The following SLC24A3 variants were observed in gnomAD, a reference collection of about 807,000 sequenced individuals.
The protein encoded by SLC24A3 is solute carrier family 24 member 3.
Under a neutral mutation model 75.8 loss-of-function variants are expected in SLC24A3, and 28 were observed. The ratio of observed to expected loss-of-function variants is 0.37; its 90% CI spans 0.27 to 0.51. SLC24A3 has a LOEUF of 0.51. SLC24A3 is among the 20% of genes least tolerant of loss of function. The probability of loss-of-function intolerance (pLI) is 0.94; values close to 1 mark genes in which losing one functional copy is unlikely to be tolerated. For missense variants in SLC24A3, 663 were observed against 847.8 expected, an observed-to-expected ratio of 0.78 and a Z score of 2.71; for synonymous variants, 372 against 334.1, an observed-to-expected ratio of 1.11 and a Z score of -1.24.
At chr20:19,247,151 A>G (rs1240370063) in intron 1 of SLC24A3, among the ~76,000 whole-genome samples, 2 of 152,216 alleles carry the variant, frequency 1.3e-5, no homozygotes, top group African/African-American at 4.8e-5. Context: ...CCATATGTAC[A>G]CGTCAGTCAT....
At chr20:19,600,098 C>T (rs180754745) in intron 6 of SLC24A3, among the ~76,000 whole-genome samples, 1 of 152,170 alleles carries the variant, frequency 6.6e-6, no homozygotes, top group Non-Finnish European at 1.5e-5. Context: ...CCTCAGTGCT[C>T]TTGGTACAGA....
chr20:19,219,246 C>T (rs1030219465), intron 1 of SLC24A3, among the ~76,000 whole-genome samples: 2 of 152,104 alleles, frequency 1.3e-5, no homozygotes, highest in African/African-American at 4.8e-5. Context: ...CCCGGACGGC[C>T]CACACTATCC....
At chr20:19,681,819 A>C (rs1201754630) in intron 9 of SLC24A3, 39 bp from the exon 10 acceptor site, 2 of 1,613,166 alleles carry the variant, frequency 1.2e-6, no homozygotes, top group South Asian at 2.2e-5. Flanking sequence ...GGAGAATGGA[A>C]AACACTGATG....
chr20:19,388,997 A>T (rs1276065250), intron 2 of SLC24A3, among the ~76,000 whole-genome samples: 2 of 150,974 alleles, frequency 1.3e-5, no homozygotes, highest in Non-Finnish European at 3.0e-5. Flanking sequence ...TTTTCTCTTT[A>T]TCTTTTGTGA....
chr20:19,660,702 A>G, intron 7 of SLC24A3, among the ~76,000 whole-genome samples: 1 of 151,976 alleles, frequency 6.6e-6, no homozygotes. Context: ...CAGTTCTTTA[A>G]GACATTCTCA....
intron 3 of SLC24A3, among the ~76,000 whole-genome samples, chr20:19,552,348 T>C (rs2030711030): frequency 6.6e-6 from 1 of 152,160 alleles, no homozygotes; most frequent in South Asian, 2.1e-4. Flanking sequence ...CCCTCTCACA[T>C]TGCTGTCTAC....
intron 12 of SLC24A3, among the ~76,000 whole-genome samples, chr20:19,685,768 G>A (rs553541745): frequency 1.3e-5 from 2 of 152,220 alleles, no homozygotes; most frequent in Non-Finnish European, 2.9e-5. Flanking sequence ...CTGCAATTGG[G>A]GATTTATATA....
At chr20:19,264,430 G>A (rs967811263) in intron 1 of SLC24A3, among the ~76,000 whole-genome samples, 2 of 152,134 alleles carry the variant, frequency 1.3e-5, no homozygotes, top group South Asian at 4.1e-4. Context: ...GGGCCTTCCT[G>A]AGAGGTGGGA....
intron 12 of SLC24A3, among the ~76,000 whole-genome samples, chr20:19,692,896 C>G (rs1025515069): frequency 1.3e-5 from 2 of 151,982 alleles, no homozygotes; most frequent in Non-Finnish European, 2.9e-5. Flanking sequence ...CCATTTCGAC[C>G]CCCTGCACCT....
At chr20:19,354,837 C>A (rs1302659113) in intron 2 of SLC24A3, among the ~76,000 whole-genome samples, 3 of 152,112 alleles carry the variant, frequency 2.0e-5, no homozygotes, top group African/African-American at 7.2e-5. Context: ...GATGGTACAG[C>A]TACCTTGGAA....
intron 2 of SLC24A3, among the ~76,000 whole-genome samples, chr20:19,434,217 G>A (rs1183233662): frequency 6.6e-6 from 1 of 152,168 alleles, no homozygotes; most frequent in Non-Finnish European, 1.5e-5. Flanking sequence ...AAATTTTCAT[G>A]GGCAGTAAAA....
At chr20:19,243,787 TTC>T (rs1238278651) in intron 1 of SLC24A3, 4 of 152,504 alleles carry the variant, frequency 2.6e-5, no homozygotes, top group African/African-American at 9.6e-5. Flanking sequence ...CTCCCCTTGG[TTC>T]TGAGGACGCA....
intron 2 of SLC24A3, among the ~76,000 whole-genome samples, chr20:19,297,510 C>A (rs903266693): frequency 2.0e-5 from 3 of 152,174 alleles, no homozygotes; most frequent in Middle Eastern, 3.2e-3. Context: ...GTGCATGAAT[C>A]CTACAATATG....
chr20:19,495,486 C>T (rs1287150474), intron 2 of SLC24A3, among the ~76,000 whole-genome samples: 2 of 152,228 alleles, frequency 1.3e-5, no homozygotes, highest in Non-Finnish European at 2.9e-5. Flanking sequence ...CTCTGTAGAG[C>T]ATCGCCAGCT....
chr20:19,657,805 CTCTT>C (rs1269788398), intron 7 of SLC24A3, among the ~76,000 whole-genome samples: 11 of 152,320 alleles, frequency 7.2e-5, no homozygotes, highest in Middle Eastern at 3.4e-3. Context: ...TCTTCTTCTC[CTCTT>C]TCTGTTTCCC....
intron 3 of SLC24A3, among the ~76,000 whole-genome samples, chr20:19,518,340 A>G (rs765584392): frequency 7.9e-5 from 12 of 152,248 alleles, no homozygotes; most frequent in African/African-American, 1.2e-4. Flanking sequence ...CTTCACTCTG[A>G]AGGAACCTGC....
intron 1 of SLC24A3, among the ~76,000 whole-genome samples, chr20:19,214,460 C>A (rs1198923998): frequency 6.6e-6 from 1 of 152,070 alleles, no homozygotes; most frequent in Non-Finnish European, 1.5e-5. Flanking sequence ...AGTGAAAAAC[C>A]AGTTTATAGT....
At chr20:19,696,757 A>C in intron 13 of SLC24A3, 40 bp from the exon 14 acceptor site, 2 of 1,431,440 alleles carry the variant, frequency 1.4e-6, no homozygotes, top group Non-Finnish European at 2.0e-6. Context: ...GTGGGGCTTG[A>C]GGTGACCCTC....
chr20:19,480,554 TGTG>T (rs1026783460), intron 2 of SLC24A3, among the ~76,000 whole-genome samples: 4 of 152,166 alleles, frequency 2.6e-5, no homozygotes, highest in African/African-American at 9.7e-5. Flanking sequence ...CTACCTGACA[TGTG>T]GTGGCATCCT....
Sources: gnomAD v4.1 joint callset for allele counts (sites outside exome capture counted in the v4.1 genomes callset) on GRCh38, gnomAD v4.1.1 for gene constraint, MANE v1.5 for transcripts, NCBI Gene and HGNC (gene_info 2026-07-23, HGNC 2026-07-21) for gene names.